Variants in MICAL1 observed in about 807,000 individuals in gnomAD.
MICAL1 encodes [F-actin]-monooxygenase MICAL1.
In MICAL1, 95 loss-of-function variants were observed where a neutral mutation model predicts 131.8. The observed-to-expected ratio is 0.72, with a 90% confidence interval of 0.61 to 0.86. The LOEUF (loss-of-function observed/expected upper bound fraction) is 0.86. MICAL1 is among the 40% of genes least tolerant of loss of function. MICAL1 has a pLI of 0.00. For missense variants in MICAL1, 1,292 were observed against 1,380.6 expected (o/e 0.94, Z 1.02); for synonymous variants, 546 against 554.2 (o/e 0.99, Z 0.21).
At chr6:109,463,392 T>C (rs905077564) in intron 1 of MICAL1, 2 of 152,220 alleles carry the variant, frequency 1.3e-5, no homozygotes, top group Admixed American at 1.3e-4. Context: ...GCTGGTCAAA[T>C]AATTCAGGCA....
In MICAL1 at chr6:109,447,850, C is replaced by T. The variant is rs201428598; in HGVS notation, c.1944+25G>A. ...CCCCTGCCCACTCCTCCCTGCTCAG[C>T]TCCAGCCCTGCCTAAACTCTCCACC... On this transcript the variant is annotated intron_variant, in intron 14 of 24. Transcript: ENST00000358807. 5.0e-5 allele frequency: 80 copies of T among 1,612,922 alleles called. No homozygotes were observed. In the Admixed American group the frequency reaches 1.3e-3, roughly 27 times the overall value.
upstream of MICAL1, chr6:109,456,081 G>T: frequency 1.0e-6 from 1 of 953,256 alleles, no homozygotes; most frequent in Non-Finnish European, 1.2e-6. Context: ...CCTGTTGGGG[G>T]CTGAGGAGCT....
chr6:109,446,150 A>T lies in MICAL1; in HGVS notation c.2567T>A (p.Val856Asp). ...GGATGGGTTACCTTGAGGGCTCTGG[A>T]CTGGCAGGCCCCAGCCCACAAAGCT... ...ESSFVGWGLP[V>D]QSPQALVAME... The change falls in exon 19 of 25, where the codon GTC (valine) becomes GAC (aspartate). Residue 856 changes from valine to aspartate, a missense_variant. Val to Asp is a radical substitution (Grantham distance 152). Transcript: ENST00000358807. The T allele has an allele frequency of 6.5e-7, 1 of 1,537,014 alleles. No homozygotes were observed. Among genetic ancestry groups the T allele is most frequent in the Non-Finnish European group, 8.7e-7 (1 of 1,146,334 alleles).
chr6:109,445,728 G>T (rs1775184372), intron 20 of MICAL1, 43 bp downstream of exon 20: 1 of 1,586,928 alleles, frequency 6.3e-7, no homozygotes, highest in South Asian at 1.1e-5. Flanking sequence ...TTCTCCTGTA[G>T]TGGGCTGGAG....
chr6:109,457,031 C>T (rs567952665), upstream of MICAL1, among the ~76,000 whole-genome samples: 7 of 152,290 alleles, frequency 4.6e-5, no homozygotes, highest in African/African-American at 9.6e-5. Flanking sequence ...TCCTTGAGAT[C>T]CAGAGACCAT....
rs532444101 is a variant in MICAL1, at chr6:109,452,049, C to T, written c.832+197G>A. On this transcript the variant is annotated intron_variant, in intron 6 of 24. Transcript: ENST00000358807. Reference sequence around the variant, plus strand: ...GGTTCATCTCTGAGAGATTCCAGGACTTTTCATGCTGGGTGATCAACTAGG... The same window carrying T: ...GGTTCATCTCTGAGAGATTCCAGGATTTTTCATGCTGGGTGATCAACTAGG... The T allele has an allele frequency of 2.1e-6, 3 of 1,411,724 alleles. No individual in the cohort carries two copies. In the South Asian group the frequency reaches 4.8e-5, roughly 23 times the overall value. 87.4% of individuals were successfully genotyped at this position (1,411,724 alleles called of 1,614,324 possible). A position where few individuals can be genotyped will look rare whatever the true frequency, so the allele number is the denominator to read the frequency against.
chr6:109,444,160 G>A lies in MICAL1; in HGVS notation c.*31C>T, dbSNP rs947480471. On this transcript the variant is annotated 3_prime_UTR_variant, in exon 25 of 25. Transcript: ENST00000358807. The stretch of plus-strand genomic sequence containing the variant: ...TGTGCTGGGGTGAGGTGCTTTCTTT[G>A]TGGGAACGAAAGCAGACGGCCCACC... 5.6e-6 allele frequency: 9 copies of A among 1,601,912 alleles called. No individual in the cohort carries two copies. The African/African-American group carries it at 1.2e-4, about 22-fold the overall frequency.
At chr6:109,460,813 A>G (rs1775868936) in intron 1 of MICAL1, among the ~76,000 whole-genome samples, 1 of 152,202 alleles carries the variant, frequency 6.6e-6, no homozygotes, top group Admixed American at 6.5e-5. Context: ...ATGCTTATTA[A>G]GGATAACAAA....
intron 1 of MICAL1, chr6:109,464,429 C>G (rs1775983601): frequency 6.6e-6 from 1 of 152,106 alleles, no homozygotes; most frequent in Non-Finnish European, 1.5e-5. Flanking sequence ...TAGATTACCC[C>G]CTACTCCCCA....
rs1461515579 is a variant in MICAL1, at chr6:109,452,622, CA to C, written c.572-8del. On this transcript the variant is annotated splice_region_variant and splice_polypyrimidine_tract_variant and intron_variant, in intron 4 of 24. Coordinates refer to ENST00000358807, the MANE Select transcript of MICAL1 (RefSeq NM_022765.4). ...TGGGCACGCCAGCCACTCCCTAGGG[CA>C]GGGGGTATGAGAGGCACAAAGGTGT... The C allele has an allele frequency of 6.2e-7, 1 of 1,610,304 alleles. No homozygotes were observed. Among genetic ancestry groups the C allele is most frequent in the Admixed American group, 1.7e-5 (1 of 59,814 alleles).
At position 109,448,775 on chromosome 6, in the gene MICAL1, G is replaced by C. The variant is rs148573701; in HGVS notation, c.1621C>G (p.Leu541Val). 6.1e-5 allele frequency: 99 copies of C among 1,613,974 alleles called. No individual in the cohort carries two copies. In the Middle Eastern group the frequency reaches 1.3e-3, roughly 21 times the overall value. Residue 541 changes from leucine (L) to valine (V), a missense_variant, in exon 12 of 25, where the codon CTA (leucine) becomes GTA (valine). Leu to Val is a conservative substitution (Grantham distance 32). Transcript: ENST00000358807. The stretch of plus-strand genomic sequence containing the variant: ...CGGTACACCAGGGCACACAGAGCTA[G>C]CCCATCAGCCCAGGAGGAAGACAAA... Reference protein sequence around the residue: ...SDLSSSWADGLALCALVYRLQ... With the variant: ...SDLSSSWADGVALCALVYRLQ...
intron 1 of MICAL1, chr6:109,465,464 T>A (rs1776010683): frequency 4.9e-6 from 3 of 611,856 alleles, no homozygotes; most frequent in Non-Finnish European, 8.5e-6. Context: ...TCAACCAAAA[T>A]GACTCCCTTT....
chr6:109,450,592 C>G, intron 7 of MICAL1, 35 bp from the exon 8 acceptor site: 15 of 1,576,154 alleles, frequency 9.5e-6, no homozygotes, highest in Non-Finnish European at 1.3e-5. Flanking sequence ...TCAGAGACCT[C>G]TGAGAGCAGG....
upstream of MICAL1, among the ~76,000 whole-genome samples, chr6:109,457,771 T>C (rs1348391447): frequency 6.6e-6 from 1 of 152,224 alleles, no homozygotes; most frequent in Non-Finnish European, 1.5e-5. Context: ...ATCATAAAAT[T>C]TGTCTTTAAA....
rs780128732 is a variant in MICAL1, at chr6:109,452,256, G to A, written c.822C>T (p.Leu274=). The A allele has an allele frequency of 6.2e-7, 1 of 1,613,328 alleles. No homozygotes were observed. Among genetic ancestry groups the A allele is most frequent in the Non-Finnish European group, 8.5e-7 (1 of 1,179,458 alleles). The change falls in exon 6 of 25, where the codon CTC becomes CTT. Residue 274 remains leucine (L), a synonymous_variant. Transcript: ENST00000358807. Reference sequence around the variant, plus strand: ...AAGAGGGTCCCTGACCTGTGGCTTTGAGAAGGCTCTGGAAGAAGCTCTGGT... The same window carrying A: ...AAGAGGGTCCCTGACCTGTGGCTTTAAGAAGGCTCTGGAAGAAGCTCTGGT... ...IYNQSFFQSL[L]KATGIDLENI...
At chr6:109,452,670 ACT>A in intron 4 of MICAL1, 55 bp from the exon 5 acceptor site, 2 of 1,334,294 alleles carry the variant, frequency 1.5e-6, no homozygotes, top group Non-Finnish European at 2.1e-6. Context: ...GAGCCCCTAT[ACT>A]CTCAGGACAA....
intron 16 of MICAL1, 36 bp downstream of exon 16, chr6:109,447,321 C>T: frequency 6.2e-7 from 1 of 1,614,008 alleles, no homozygotes; most frequent in South Asian, 1.1e-5. Flanking sequence ...CCTGCCCTCC[C>T]CGGGCCTCTG....
At chr6:109,456,303 G>A (rs1775745040), upstream of MICAL1, among the ~76,000 whole-genome samples, 1 of 152,232 alleles carries the variant, frequency 6.6e-6, no homozygotes, top group South Asian at 2.1e-4. Context: ...GTCCGAGGGT[G>A]GCGCCGGAAC....
rs376425371 is a variant in MICAL1 at position 109,453,659 on chromosome 6, T to G, written c.445A>C (p.Thr149Pro). 1 of 1,609,462 alleles carries G rather than the reference T, an allele frequency of 6.2e-7. No individual in the cohort carries two copies. Among genetic ancestry groups the G allele is most frequent in the Non-Finnish European group, 8.5e-7 (1 of 1,178,016 alleles). ...TCACTGATGTGGTCCAGGGTGCCGGTGCAGAAGCGCCCGTAGAACTTCTTA... is the reference window on the plus strand; with the variant it reads ...TCACTGATGTGGTCCAGGGTGCCGGGGCAGAAGCGCCCGTAGAACTTCTTA... ...GAKKFYGRFC[T>P]GTLDHISIRQ... The change falls in exon 3 of 25, where the codon ACC becomes CCC. Residue 149 changes from threonine to proline, a missense_variant. By Grantham distance (38) the Thr-to-Pro change is conservative. Transcript: ENST00000358807.
Sources: gnomAD v4.1 joint callset for allele counts (sites outside exome capture counted in the v4.1 genomes callset) on GRCh38, gnomAD v4.1.1 for gene constraint, MANE v1.5 for transcripts, NCBI Gene and HGNC (gene_info 2026-07-23, HGNC 2026-07-21) for gene names.